Variants in ULK4 observed in about 807,000 individuals in gnomAD.
The protein encoded by ULK4 is unc-51 like kinase 4.
In ULK4, 133 loss-of-function variants were observed where a neutral mutation model predicts 160.6. That is an observed-to-expected ratio of 0.83 (90% CI 0.72 to 0.96). ULK4 has a LOEUF of 0.96. ULK4 is among the 40% of genes least tolerant of loss of function. The pLI is 0.00. For missense variants in ULK4, 1,580 were observed against 1,499.5 expected (o/e 1.05, Z -0.89); for synonymous variants, 534 against 539.8 (o/e 0.99, Z 0.15).
chr3:41,571,588 T>C (rs182309791), intron 31 of ULK4, among the ~76,000 whole-genome samples: 248 of 152,250 alleles, frequency 1.6e-3, no homozygotes, highest in Non-Finnish European at 1.6e-3. Flanking sequence ...GATTTCTTCT[T>C]GGACATAACT....
intron 22 of ULK4, among the ~76,000 whole-genome samples, chr3:41,740,362 G>GC (rs999449097): frequency 6.6e-6 from 1 of 151,832 alleles, no homozygotes; most frequent in African/African-American, 2.4e-5. Context: ...TCCATCAGGA[G>GC]CCACTGACAT....
chr3:41,626,287 TATTA>T (rs1358947386), intron 30 of ULK4, among the ~76,000 whole-genome samples: 2 of 152,174 alleles, frequency 1.3e-5, no homozygotes, highest in African/African-American at 2.4e-5. Flanking sequence ...TTAATTTATT[TATTA>T]ATGTTTGATA....
chr3:41,734,819 C>T (rs1401620844), intron 22 of ULK4, among the ~76,000 whole-genome samples: 2 of 152,162 alleles, frequency 1.3e-5, no homozygotes, highest in African/African-American at 4.8e-5. Context: ...ACAGTCAGAA[C>T]CTTCAAAAAC....
At chr3:41,937,986 G>A (rs1460179236) in intron 3 of ULK4, 112 bp downstream of exon 3, 13 of 720,762 alleles carry the variant, frequency 1.8e-5, no homozygotes, top group Admixed American at 3.3e-5. Context: ...AATATCCACA[G>A]AGCAATAGAT....
intron 35 of ULK4, among the ~76,000 whole-genome samples, chr3:41,366,278 A>G (rs1036063436): frequency 6.6e-6 from 1 of 152,194 alleles, no homozygotes; most frequent in Non-Finnish European, 1.5e-5. Flanking sequence ...ACCAAGGCAC[A>G]CACATTTGCA....
chr3:41,611,002 T>C (rs957977960), intron 31 of ULK4, among the ~76,000 whole-genome samples: 1 of 152,178 alleles, frequency 6.6e-6, no homozygotes, highest in African/African-American at 2.4e-5. Flanking sequence ...AAGGCACATT[T>C]CAAAGCAACT....
At chr3:41,362,388 T>C (rs2081164391) in intron 35 of ULK4, among the ~76,000 whole-genome samples, 6 of 152,170 alleles carry the variant, frequency 3.9e-5, no homozygotes, top group Admixed American at 3.3e-4. Context: ...AAAGCAGAGA[T>C]TGGTTAAGAA....
Position 41,490,203 on chromosome 3 carries a change from A to G in ULK4, c.3227-26950T>C, listed in dbSNP as rs1033558247. 4.6e-5 allele frequency among the ~76,000 whole-genome samples: 7 copies of G among 152,122 alleles called. 1 individual carries two copies. Among genetic ancestry groups the G allele is most frequent in the Non-Finnish European group, 8.8e-5 (6 of 68,024 alleles). On this transcript the variant is annotated intron_variant, in intron 32 of 36. Coordinates refer to ENST00000301831, the MANE Select transcript of ULK4 (RefSeq NM_017886.4). ...GTTCTCTCTGCCTCTGATCTCCATC[A>G]CATGATTGGGGCAGCTAATCATGCT...
chr3:41,868,611 C>T (rs1696984337), intron 17 of ULK4, among the ~76,000 whole-genome samples: 1 of 152,192 alleles, frequency 6.6e-6, no homozygotes, highest in Non-Finnish European at 1.5e-5. Flanking sequence ...CCTCAGCCTC[C>T]CAAATAGCTG....
chr3:41,412,763 G>A (rs1190201894), intron 34 of ULK4, among the ~76,000 whole-genome samples: 1 of 151,832 alleles, frequency 6.6e-6, no homozygotes, highest in Non-Finnish European at 1.5e-5. Context: ...GTTTTGCCAT[G>A]TTGCCCAGGT....
chr3:41,506,767 A>AAAAAAAAAAAAAAAAAAAAAAAT lies in ULK4; in HGVS notation c.3227-43515_3227-43514insATTTTTTTTTTTTTTTTTTTTTT. Among the ~76,000 whole-genome samples, 71 of 56,794 alleles carry AAAAAAAAAAAAAAAAAAAAAAAT rather than the reference A, an allele frequency of 1.3e-3. 11 individuals are homozygous for AAAAAAAAAAAAAAAAAAAAAAAT. Among genetic ancestry groups the AAAAAAAAAAAAAAAAAAAAAAAT allele is most frequent in the Non-Finnish European group, 1.6e-3 (52 of 31,984 alleles). The allele number at this position is 56,794 out of a possible 152,430, so 37.3% of individuals were successfully genotyped here. On this transcript the variant is annotated intron_variant, in intron 32 of 36. Coordinates refer to ENST00000301831, the MANE Select transcript of ULK4 (RefSeq NM_017886.4). The stretch of plus-strand genomic sequence containing the variant: ...AGCAATACACTGGAGTGTGATTTAA[A>AAAAAAAAAAAAAAAAAAAAAAAT]ATATATATATATATATATATATATA...
chr3:41,647,366 T>G (rs367576155), intron 30 of ULK4, among the ~76,000 whole-genome samples: 6,603 of 152,198 alleles, frequency 0.043, 185 homozygotes, highest in African/African-American at 0.066. Context: ...TACAGATGGG[T>G]TTTTGGTGTG....
intron 32 of ULK4, among the ~76,000 whole-genome samples, chr3:41,560,558 C>G (rs79853180): frequency 0.43 from 65,773 of 152,028 alleles, 15,364 homozygotes; most frequent in Middle Eastern, 0.55. Flanking sequence ...GTTTGTAGTT[C>G]TCCTTGAAGA....
intron 32 of ULK4, among the ~76,000 whole-genome samples, chr3:41,472,987 A>G (rs2084031688): frequency 6.6e-6 from 1 of 152,190 alleles, no homozygotes; most frequent in South Asian, 2.1e-4. Context: ...TCAATATCAC[A>G]TAAGAATGAA....
At chr3:41,953,301 T>TATAC (rs1700360913) in intron 2 of ULK4, among the ~76,000 whole-genome samples, 1 of 109,448 alleles carries the variant, frequency 9.1e-6, no homozygotes, top group Non-Finnish European at 1.8e-5. Context: ...TATATATATA[T>TATAC]ATATTTTTTT....
At chr3:41,621,143 T>C (rs1355438712) in intron 30 of ULK4, among the ~76,000 whole-genome samples, 2 of 152,214 alleles carry the variant, frequency 1.3e-5, no homozygotes, top group Non-Finnish European at 2.9e-5. Context: ...AATCATTCCA[T>C]GCTCATGGAT....
At chr3:41,309,895 A>AG (rs903769370) in intron 35 of ULK4, among the ~76,000 whole-genome samples, 2 of 134,758 alleles carry the variant, frequency 1.5e-5, no homozygotes, top group African/African-American at 7.0e-5. Flanking sequence ...AATGCCTTTT[A>AG]GGGAAAAAAA....
chr3:41,255,583 C>A (rs892740770), intron 35 of ULK4, among the ~76,000 whole-genome samples: 2 of 135,518 alleles, frequency 1.5e-5, no homozygotes, highest in Non-Finnish European at 3.4e-5. Flanking sequence ...ATAGCTAATA[C>A]CAGATAAAGT....
chr3:41,676,394 G>C (rs2035715102), intron 29 of ULK4, among the ~76,000 whole-genome samples: 1 of 152,126 alleles, frequency 6.6e-6, no homozygotes, highest in African/African-American at 2.4e-5. Flanking sequence ...ACTGTCCTAA[G>C]AGCACAGTGT....
Sources: gnomAD v4.1 joint callset for allele counts (sites outside exome capture counted in the v4.1 genomes callset) on GRCh38, gnomAD v4.1.1 for gene constraint, MANE v1.5 for transcripts, NCBI Gene and HGNC (gene_info 2026-07-23, HGNC 2026-07-21) for gene names.